Variants in FAR2 observed in about 807,000 individuals in gnomAD.
The protein encoded by FAR2 is epididymis secretory protein Li 81.
In FAR2, 19 loss-of-function variants were observed where a neutral mutation model predicts 56.0. The ratio of observed to expected loss-of-function variants is 0.34; its 90% CI spans 0.24 to 0.50. FAR2 has a LOEUF of 0.50. Among genes scored for constraint, FAR2 ranks in the 20% least tolerant of loss-of-function variants. The probability of loss-of-function intolerance (pLI) is 0.98; values close to 1 mark genes in which losing one functional copy is unlikely to be tolerated. For missense variants in FAR2, 508 were observed against 642.2 expected, an observed-to-expected ratio of 0.79 and a Z score of 2.26; for synonymous variants, 219 against 218.8, an observed-to-expected ratio of 1.00 and a Z score of -0.01.
intron 1 of FAR2, among the ~76,000 whole-genome samples, chr12:29,157,509 A>G (rs1949739440): frequency 6.6e-6 from 1 of 152,108 alleles, no homozygotes; most frequent in Non-Finnish European, 1.5e-5. Flanking sequence ...AAAAGACAAA[A>G]ATATGGCTTC....
At chr12:29,303,544 G>A (rs1388061535) in intron 4 of FAR2, among the ~76,000 whole-genome samples, 1 of 152,160 alleles carries the variant, frequency 6.6e-6, no homozygotes, top group Admixed American at 6.5e-5. Context: ...AAGGTGGCGT[G>A]TGCACTGAGG....
intron 1 of FAR2, among the ~76,000 whole-genome samples, chr12:29,159,634 A>G: frequency 6.6e-6 from 1 of 152,084 alleles, no homozygotes; most frequent in East Asian, 1.9e-4. Context: ...TTGATTCACC[A>G]CCGCAAGGCT....
At chr12:29,152,030 TAAAAC>T (rs1047102719) in intron 1 of FAR2, among the ~76,000 whole-genome samples, 2 of 152,084 alleles carry the variant, frequency 1.3e-5, no homozygotes, top group African/African-American at 4.8e-5. Context: ...TGGTGGAAAA[TAAAAC>T]AAAAAGTAGG....
At chr12:29,207,853 A>T (rs963015351) in intron 1 of FAR2, among the ~76,000 whole-genome samples, 1 of 152,212 alleles carries the variant, frequency 6.6e-6, no homozygotes, top group Non-Finnish European at 1.5e-5. Context: ...TACTGTCCTA[A>T]TGCAGGAACT....
At chr12:29,278,929 T>C (rs577680048) in intron 2 of FAR2, among the ~76,000 whole-genome samples, 16 of 152,350 alleles carry the variant, frequency 1.1e-4, no homozygotes, top group Admixed American at 9.8e-4. Flanking sequence ...GGATTTAAGA[T>C]ACTATCGAAC....
intron 2 of FAR2, among the ~76,000 whole-genome samples, chr12:29,273,846 CG>C (rs945364028): frequency 1.3e-5 from 2 of 152,098 alleles, no homozygotes; most frequent in African/African-American, 4.8e-5. Context: ...TTCCCCGGGC[CG>C]GGTAGCATGC....
intron 1 of FAR2, among the ~76,000 whole-genome samples, chr12:29,170,749 C>CCT (rs57701261): frequency 4.5e-4 from 68 of 150,400 alleles, no homozygotes; most frequent in African/African-American, 1.1e-3. Context: ...TCTGTCTCTT[C>CCT]CTCTCTCTCT....
At chr12:29,197,492 G>C (rs1293716696) in intron 1 of FAR2, among the ~76,000 whole-genome samples, 1 of 152,154 alleles carries the variant, frequency 6.6e-6, no homozygotes, top group East Asian at 1.9e-4. Flanking sequence ...AACAACTTAT[G>C]ATAGGGGTAT....
chr12:29,199,947 G>A (rs144528705), intron 1 of FAR2, among the ~76,000 whole-genome samples: 82 of 152,300 alleles, frequency 5.4e-4, no homozygotes, highest in Middle Eastern at 3.4e-3. Flanking sequence ...CATCTGAATA[G>A]AGTAGTAGAA....
At chr12:29,176,245 T>G (rs1054602741) in intron 1 of FAR2, among the ~76,000 whole-genome samples, 1 of 152,246 alleles carries the variant, frequency 6.6e-6, no homozygotes, top group Admixed American at 6.5e-5. Context: ...ATATAAGATA[T>G]TTATTTTTCA....
chr12:29,332,933 T>C, intron 11 of FAR2: 1 of 642,352 alleles, frequency 1.6e-6, no homozygotes, highest in Non-Finnish European at 2.9e-6. Flanking sequence ...TGTTACCCCA[T>C]TTTTATGAGG....
At chr12:29,235,260 A>G (rs563294910) in intron 1 of FAR2, among the ~76,000 whole-genome samples, 59 of 152,326 alleles carry the variant, frequency 3.9e-4, no homozygotes, top group African/African-American at 1.3e-3. Flanking sequence ...GGTATGATTA[A>G]TGTACTAGAA....
intron 4 of FAR2, among the ~76,000 whole-genome samples, chr12:29,305,870 C>T (rs1949246233): frequency 6.6e-6 from 1 of 152,110 alleles, no homozygotes; most frequent in South Asian, 2.1e-4. Context: ...CTTTATAAGG[C>T]CCCTATCCCC....
chr12:29,301,258 C>A (rs1008061944), intron 4 of FAR2, among the ~76,000 whole-genome samples: 1 of 152,096 alleles, frequency 6.6e-6, no homozygotes, highest in Non-Finnish European at 1.5e-5. Flanking sequence ...CAGTGTTTAG[C>A]GACTCATTTT....
intron 6 of FAR2, chr12:29,309,893 A>C (rs935837775): frequency 3.9e-5 from 6 of 152,210 alleles, no homozygotes; most frequent in African/African-American, 1.4e-4. Flanking sequence ...TCTAAACCCC[A>C]CTTCATTCTT....
At chr12:29,202,887 C>T (rs1947434146) in intron 1 of FAR2, among the ~76,000 whole-genome samples, 1 of 152,182 alleles carries the variant, frequency 6.6e-6, no homozygotes, top group Non-Finnish European at 1.5e-5. Context: ...TTGTAAATTA[C>T]CCAGTCTCGG....
intron 1 of FAR2, among the ~76,000 whole-genome samples, chr12:29,180,776 C>G (rs1053933407): frequency 3.5e-5 from 5 of 142,062 alleles, no homozygotes; most frequent in African/African-American, 1.3e-4. Flanking sequence ...TATCTATTCT[C>G]TATCTGTAAA....
chr12:29,194,364 A>C (rs1359527243), intron 1 of FAR2, among the ~76,000 whole-genome samples: 7 of 152,130 alleles, frequency 4.6e-5, no homozygotes, highest in Admixed American at 4.6e-4. Flanking sequence ...TTGATGTTTA[A>C]GCTAAATGCG....
intron 1 of FAR2, among the ~76,000 whole-genome samples, chr12:29,187,722 T>C (rs563020819): frequency 6.6e-6 from 1 of 152,360 alleles, no homozygotes; most frequent in South Asian, 2.1e-4. Flanking sequence ...ATCTGGACAA[T>C]GGATCTGTAT....
Sources: allele counts gnomAD v4.1 joint callset (sites outside exome capture counted in the v4.1 genomes callset), GRCh38; gene constraint gnomAD v4.1.1; transcripts MANE v1.5; gene names NCBI Gene and HGNC (gene_info 2026-07-23, HGNC 2026-07-21).